The following PTPRT variants were observed in gnomAD, a reference collection of about 807,000 sequenced individuals.
The protein encoded by PTPRT is protein tyrosine phosphatase receptor type T.
A neutral mutation model predicts 176.8 loss-of-function variants in PTPRT; 56 were observed. The ratio of observed to expected loss-of-function variants is 0.32; its 90% CI spans 0.26 to 0.40. The LOEUF (loss-of-function observed/expected upper bound fraction) is 0.40, where lower values mean the gene tolerates loss of function less well. Ranked by LOEUF, PTPRT falls within the 10% of genes least tolerant of loss-of-function variation. The probability of loss-of-function intolerance (pLI) is 1.00; values close to 1 mark genes in which losing one functional copy is unlikely to be tolerated. For missense variants in PTPRT, 1,540 were observed against 1,908.2 expected (o/e 0.81, Z 3.60); for synonymous variants, 783 against 739.0 (o/e 1.06, Z -0.96).
At chr20:42,988,944 T>C (rs562190534) in intron 1 of PTPRT, among the ~76,000 whole-genome samples, 1 of 152,352 alleles carries the variant, frequency 6.6e-6, no homozygotes, top group East Asian at 1.9e-4. Context: ...ACATGCTTTA[T>C]CCCTAATGCT....
chr20:42,478,482 C>T (rs2071328828), intron 7 of PTPRT, among the ~76,000 whole-genome samples: 1 of 152,156 alleles, frequency 6.6e-6, no homozygotes, highest in South Asian at 2.1e-4. Context: ...CACCCTGCAA[C>T]AGGTACCTTC....
intron 1 of PTPRT, among the ~76,000 whole-genome samples, chr20:43,129,914 A>G (rs1485159799): frequency 1.3e-5 from 2 of 152,136 alleles, no homozygotes; most frequent in Middle Eastern, 6.3e-3. Context: ...CACCGCGCCC[A>G]GCCCAAAGAG....
intron 7 of PTPRT, among the ~76,000 whole-genome samples, chr20:42,643,960 G>A (rs933003495): frequency 3.3e-5 from 5 of 152,106 alleles, no homozygotes; most frequent in Non-Finnish European, 5.9e-5. Flanking sequence ...ACACCATCAG[G>A]AAAGAAAGCC....
At chr20:42,873,139 G>A (rs2078873002) in intron 2 of PTPRT, among the ~76,000 whole-genome samples, 1 of 152,156 alleles carries the variant, frequency 6.6e-6, no homozygotes, top group South Asian at 2.1e-4. Context: ...AGTCAACAGA[G>A]CAAGGCAGAG....
chr20:42,296,331 A>C (rs2145287739), intron 12 of PTPRT, among the ~76,000 whole-genome samples: 1 of 152,220 alleles, frequency 6.6e-6, no homozygotes, highest in Non-Finnish European at 1.5e-5. Flanking sequence ...CTGTAATCCC[A>C]GCTACTCAGG....
At chr20:43,005,353 C>T (rs1194673922) in intron 1 of PTPRT, among the ~76,000 whole-genome samples, 3 of 152,110 alleles carry the variant, frequency 2.0e-5, no homozygotes, top group Non-Finnish European at 4.4e-5. Context: ...CTAACAATTC[C>T]CAGAGTATTC....
chr20:42,676,215 C>T (rs1328296408), intron 7 of PTPRT, among the ~76,000 whole-genome samples: 2 of 152,174 alleles, frequency 1.3e-5, no homozygotes, highest in African/African-American at 4.8e-5. Context: ...AATTGTGCCA[C>T]CAGTTTTACT....
chr20:42,176,814 A>T (rs1040760278), intron 16 of PTPRT, among the ~76,000 whole-genome samples: 1 of 152,224 alleles, frequency 6.6e-6, no homozygotes. Flanking sequence ...AGAAAATGAA[A>T]TAACTAAACT....
chr20:42,701,113 C>T (rs3092743), intron 6 of PTPRT, among the ~76,000 whole-genome samples: 41,374 of 152,030 alleles, frequency 0.27, 6,923 homozygotes, highest in African/African-American at 0.48. Flanking sequence ...ATGAATCTTT[C>T]GGTGTATTTT....
chr20:42,666,566 A>C (rs961311556), intron 7 of PTPRT, among the ~76,000 whole-genome samples: 1 of 152,178 alleles, frequency 6.6e-6, no homozygotes, highest in Non-Finnish European at 1.5e-5. Context: ...GAATCCCATT[A>C]AGATTTTGAT....
intron 1 of PTPRT, among the ~76,000 whole-genome samples, chr20:43,060,909 C>T (rs758682125): frequency 6.6e-6 from 1 of 152,204 alleles, no homozygotes; most frequent in Admixed American, 6.5e-5. Flanking sequence ...ATAGGTGTTA[C>T]AGGAGTGCAT....
At chr20:42,478,520 T>C (rs2071329640) in intron 7 of PTPRT, among the ~76,000 whole-genome samples, 2 of 152,170 alleles carry the variant, frequency 1.3e-5, no homozygotes, top group African/African-American at 4.8e-5. Context: ...TGAGTCATTT[T>C]CCACTTCTCA....
chr20:42,560,910 C>T (rs1259327158), intron 7 of PTPRT, among the ~76,000 whole-genome samples: 1 of 152,170 alleles, frequency 6.6e-6, no homozygotes, highest in Non-Finnish European at 1.5e-5. Context: ...AAGCAGAATA[C>T]ACAGGGACAC....
chr20:43,176,877 T>C (rs906574249), intron 1 of PTPRT, among the ~76,000 whole-genome samples: 3 of 152,200 alleles, frequency 2.0e-5, no homozygotes, highest in Admixed American at 6.5e-5. Context: ...GATGCTTCTA[T>C]GTACAAGCAG....
intron 2 of PTPRT, among the ~76,000 whole-genome samples, chr20:42,829,444 TTGGCCAGG>T (rs2078051867): frequency 6.6e-6 from 1 of 151,846 alleles, no homozygotes; most frequent in Non-Finnish European, 1.5e-5. Context: ...AAGGCCATGA[TTGGCCAGG>T]CGCAGTGGCT....
chr20:42,178,074 A>T (rs1600637342), intron 16 of PTPRT, among the ~76,000 whole-genome samples: 1 of 152,124 alleles, frequency 6.6e-6, no homozygotes, highest in East Asian at 1.9e-4. Flanking sequence ...AGTAGCTGGG[A>T]TAACAGGCAC....
chr20:42,421,387 G>A (rs906295804), intron 9 of PTPRT, among the ~76,000 whole-genome samples: 4 of 152,138 alleles, frequency 2.6e-5, no homozygotes, highest in African/African-American at 9.6e-5. Context: ...ACCTTATTTG[G>A]GAAAAGTGTG....
chr20:42,993,472 A>T (rs1984045071), intron 1 of PTPRT, among the ~76,000 whole-genome samples: 1 of 98,438 alleles, frequency 1.0e-5, no homozygotes, highest in Admixed American at 9.2e-5. Context: ...GTGTATATAT[A>T]TACACATATA....
intron 1 of PTPRT, among the ~76,000 whole-genome samples, chr20:43,017,478 T>G (rs1036609713): frequency 6.6e-6 from 1 of 152,228 alleles, no homozygotes; most frequent in Non-Finnish European, 1.5e-5. Flanking sequence ...GCACACCTTG[T>G]CCCTGTTATG....
Sources: allele counts gnomAD v4.1 joint callset (sites outside exome capture counted in the v4.1 genomes callset), GRCh38; gene constraint gnomAD v4.1.1; transcripts MANE v1.5; gene names NCBI Gene and HGNC (gene_info 2026-07-23, HGNC 2026-07-21).